The following CDH12 variants were observed in gnomAD, a reference collection of about 807,000 sequenced individuals.
CDH12 encodes cadherin 12.
Under a neutral mutation model 74.1 loss-of-function variants are expected in CDH12, and 41 were observed. The observed-to-expected ratio is 0.55, with a 90% CI of 0.43 to 0.72. CDH12 has a LOEUF of 0.72. Among genes scored for constraint, CDH12 ranks in the 30% least tolerant of loss-of-function variants. The pLI is 0.00. For missense variants in CDH12, 945 were observed against 977.2 expected, an observed-to-expected ratio of 0.97 and a Z score of 0.44; for synonymous variants, 399 against 355.0, an observed-to-expected ratio of 1.12 and a Z score of -1.39.
At chr5:22,836,816 C>T (rs1736848714) in intron 1 of CDH12, among the ~76,000 whole-genome samples, 1 of 152,100 alleles carries the variant, frequency 6.6e-6, no homozygotes, top group African/African-American at 2.4e-5. Flanking sequence ...TAACTATTTC[C>T]ACCATGTCTT....
At chr5:22,024,361 A>G (rs543190044) in intron 5 of CDH12, among the ~76,000 whole-genome samples, 2 of 152,172 alleles carry the variant, frequency 1.3e-5, no homozygotes. Context: ...ATACTCTTCA[A>G]CTTAAGAAAT....
chr5:21,846,986 T>C (rs1397311852), intron 7 of CDH12, among the ~76,000 whole-genome samples: 1 of 152,112 alleles, frequency 6.6e-6, no homozygotes, highest in Non-Finnish European at 1.5e-5. Context: ...CTCCACCCAA[T>C]GAGGTTTATA....
At chr5:22,570,376 T>C (rs899575104) in intron 1 of CDH12, among the ~76,000 whole-genome samples, 2 of 152,094 alleles carry the variant, frequency 1.3e-5, no homozygotes, top group South Asian at 2.1e-4. Flanking sequence ...AATCATAATA[T>C]TCGAAACTCA....
intron 4 of CDH12, among the ~76,000 whole-genome samples, chr5:22,196,800 A>T (rs1436771013): frequency 6.6e-6 from 1 of 152,130 alleles, no homozygotes; most frequent in African/African-American, 2.4e-5. Context: ...GCTTTGGGAC[A>T]TCACTGTAGC....
At chr5:21,779,154 T>C (rs1464705474) in intron 11 of CDH12, 1 of 152,190 alleles carries the variant, frequency 6.6e-6, no homozygotes, top group Non-Finnish European at 1.5e-5. Context: ...TATAATCATA[T>C]AAAATATATT....
chr5:22,737,862 A>G (rs1341934595), intron 1 of CDH12, among the ~76,000 whole-genome samples: 1 of 152,120 alleles, frequency 6.6e-6, no homozygotes, highest in Non-Finnish European at 1.5e-5. Flanking sequence ...TACAAATGTC[A>G]AGCAACAATG....
intron 5 of CDH12, among the ~76,000 whole-genome samples, chr5:22,002,934 G>T (rs1236049909): frequency 1.3e-5 from 2 of 151,986 alleles, no homozygotes; most frequent in Non-Finnish European, 2.9e-5. Flanking sequence ...AGAAAGTTTG[G>T]AACACATTCT....
intron 11 of CDH12, among the ~76,000 whole-genome samples, chr5:21,767,207 A>T (rs371608937): frequency 1.7e-4 from 26 of 151,878 alleles, no homozygotes; most frequent in East Asian, 1.5e-3. Context: ...TGAAAATGAG[A>T]ATGTCTTTTT....
intron 1 of CDH12, among the ~76,000 whole-genome samples, chr5:22,706,197 C>T (rs1339260101): frequency 6.6e-6 from 1 of 152,008 alleles, no homozygotes; most frequent in African/African-American, 2.4e-5. Flanking sequence ...TAACATCCAT[C>T]CCATTCAATA....
At chr5:21,764,496 A>G (rs1197324610) in intron 12 of CDH12, among the ~76,000 whole-genome samples, 2 of 151,756 alleles carry the variant, frequency 1.3e-5, no homozygotes, top group Non-Finnish European at 2.9e-5. Context: ...AAAAATACAA[A>G]AAATTAGCTG....
chr5:22,698,122 C>CTTTTTTTTTT lies in CDH12; in HGVS notation c.-523+154926_-523+154935dup, dbSNP rs10677695. Among the ~76,000 whole-genome samples the CTTTTTTTTTT allele has an allele frequency of 6.0e-4, 55 of 91,174 alleles. 8 individuals carry two copies. Among genetic ancestry groups the CTTTTTTTTTT allele is most frequent in the Non-Finnish European group, 7.7e-4 (38 of 49,500 alleles). The allele number at this position is 91,174 out of a possible 152,430, so 59.8% of individuals were successfully genotyped here. ...CCTTAATGCCCGCATAAAGGCAGGG[C>CTTTTTTTTTT]TTTTTTTTTTTTTTTTGAGATGGAG... On this transcript the variant is annotated intron_variant, in intron 1 of 14. Transcript: ENST00000382254.
At chr5:22,838,080 A>G (rs147404706) in intron 1 of CDH12, among the ~76,000 whole-genome samples, 1 of 152,182 alleles carries the variant, frequency 6.6e-6, no homozygotes, top group Admixed American at 6.5e-5. Flanking sequence ...TGATGGAAAG[A>G]TCCAGAGGGG....
intron 4 of CDH12, among the ~76,000 whole-genome samples, chr5:22,131,863 A>T: frequency 6.6e-6 from 1 of 152,112 alleles, no homozygotes; most frequent in East Asian, 1.9e-4. Context: ...CCTCAGATCT[A>T]CTGGCCAAGG....
chr5:22,489,086 C>T (rs1746739635), intron 2 of CDH12, among the ~76,000 whole-genome samples: 1 of 3,452 alleles, frequency 2.9e-4, no homozygotes, highest in African/African-American at 7.9e-4. Context: ...GAGACAGAGT[C>T]TCGCTCTGTT....
chr5:21,883,624 T>C, intron 6 of CDH12: 1 of 1,610,998 alleles, frequency 6.2e-7, no homozygotes, highest in East Asian at 2.2e-5. Flanking sequence ...TTAGGAAAAG[T>C]TGGAGAGGTC....
At chr5:21,801,548 G>A (rs1341531965) in intron 10 of CDH12, among the ~76,000 whole-genome samples, 1 of 152,146 alleles carries the variant, frequency 6.6e-6, no homozygotes, top group East Asian at 1.9e-4. Flanking sequence ...TTTATGTGTT[G>A]AGAGAGAGTG....
At chr5:22,250,243 T>C (rs920053243) in intron 3 of CDH12, among the ~76,000 whole-genome samples, 1 of 152,118 alleles carries the variant, frequency 6.6e-6, no homozygotes, top group Non-Finnish European at 1.5e-5. Flanking sequence ...CACATACTAG[T>C]GGCTTAAAAG....
At chr5:22,695,271 G>A (rs1363929068) in intron 1 of CDH12, among the ~76,000 whole-genome samples, 2 of 152,240 alleles carry the variant, frequency 1.3e-5, no homozygotes, top group East Asian at 1.9e-4. Context: ...TTGGTTCCAA[G>A]TCTTACTATT....
At chr5:22,328,209 A>C (rs1461136896) in intron 3 of CDH12, among the ~76,000 whole-genome samples, 1 of 152,188 alleles carries the variant, frequency 6.6e-6, no homozygotes, top group East Asian at 1.9e-4. Flanking sequence ...ATCTTACTAA[A>C]TCAGTTTTTT....
Sources: allele counts gnomAD v4.1 joint callset (sites outside exome capture counted in the v4.1 genomes callset), GRCh38; gene constraint gnomAD v4.1.1; transcripts MANE v1.5; gene names NCBI Gene and HGNC (gene_info 2026-07-23, HGNC 2026-07-21).